SGCZ: variants seen among roughly 807,000 people sequenced by gnomAD.
The protein encoded by SGCZ is sarcoglycan zeta.
In SGCZ, 40 loss-of-function variants were observed where a neutral mutation model predicts 41.3. The observed-to-expected ratio is 0.97, with a 90% CI of 0.75 to 1.26. The LOEUF (loss-of-function observed/expected upper bound fraction) is 1.26. Ranked by LOEUF, SGCZ falls within the 50% of genes most tolerant of loss-of-function variation. SGCZ has a pLI of 0.00. For synonymous variants in SGCZ, 206 were observed against 137.5 expected, an observed-to-expected ratio of 1.50 and a Z score of -3.49; for missense variants, 552 against 369.8, an observed-to-expected ratio of 1.49 and a Z score of -4.04.
At chr8:15,203,393 A>C (rs17121136) in intron 1 of SGCZ, among the ~76,000 whole-genome samples, 1 of 152,082 alleles carries the variant, frequency 6.6e-6, no homozygotes, top group African/African-American at 2.4e-5. Flanking sequence ...TGAGTGTACA[A>C]ACCCCGTGAG....
At chr8:14,606,503 C>T (rs764870210) in intron 1 of SGCZ, among the ~76,000 whole-genome samples, 3 of 152,158 alleles carry the variant, frequency 2.0e-5, no homozygotes, top group Non-Finnish European at 2.9e-5. Context: ...CATTACTCTC[C>T]GTCTTCTGGT....
intron 1 of SGCZ, among the ~76,000 whole-genome samples, chr8:14,638,213 G>T (rs1303183676): frequency 6.6e-6 from 1 of 151,758 alleles, no homozygotes; most frequent in African/African-American, 2.4e-5. Flanking sequence ...TTTTCAGTTT[G>T]TCAGGATGTC....
chr8:14,698,370 A>C (rs1809032424), intron 1 of SGCZ, among the ~76,000 whole-genome samples: 1 of 151,936 alleles, frequency 6.6e-6, no homozygotes, highest in African/African-American at 2.4e-5. Flanking sequence ...AAGTTGCTTT[A>C]GTTTAGCTCC....
chr8:14,854,021 T>TTATA (rs10604213), intron 1 of SGCZ, among the ~76,000 whole-genome samples: 8,396 of 107,178 alleles, frequency 0.078, 358 homozygotes, highest in East Asian at 0.16. Context: ...TGTGATTATA[T>TTATA]TATATATATA....
At chr8:15,208,072 T>C (rs1801126811) in intron 1 of SGCZ, among the ~76,000 whole-genome samples, 1 of 152,222 alleles carries the variant, frequency 6.6e-6, no homozygotes, top group African/African-American at 2.4e-5. Context: ...AATATTATTT[T>C]CCTCTGTTAA....
intron 2 of SGCZ, among the ~76,000 whole-genome samples, chr8:14,421,716 T>A (rs1241941869): frequency 6.6e-6 from 1 of 152,148 alleles, no homozygotes; most frequent in African/African-American, 2.4e-5. Flanking sequence ...TTATCTGGTT[T>A]AATTCATCCC....
intron 1 of SGCZ, among the ~76,000 whole-genome samples, chr8:15,229,768 T>C (rs965774645): frequency 2.6e-5 from 4 of 152,244 alleles, no homozygotes; most frequent in African/African-American, 9.6e-5. Context: ...TGATTTATTG[T>C]ATCATGTTTC....
intron 3 of SGCZ, among the ~76,000 whole-genome samples, chr8:14,257,851 A>T (rs1276042163): frequency 6.6e-6 from 1 of 152,176 alleles, no homozygotes; most frequent in Non-Finnish European, 1.5e-5. Context: ...TTGTGTTAAG[A>T]AGAGCTTTGT....
At chr8:14,562,436 A>C (rs1294705667) in intron 1 of SGCZ, among the ~76,000 whole-genome samples, 1 of 152,194 alleles carries the variant, frequency 6.6e-6, no homozygotes, top group Non-Finnish European at 1.5e-5. Flanking sequence ...GAAGATGATA[A>C]ATACAATAAA....
intron 2 of SGCZ, among the ~76,000 whole-genome samples, chr8:14,424,306 T>C (rs1037128312): frequency 1.3e-5 from 2 of 152,178 alleles, no homozygotes; most frequent in Non-Finnish European, 2.9e-5. Context: ...ATGAAGGTCA[T>C]ACTTGTACAA....
intron 1 of SGCZ, among the ~76,000 whole-genome samples, chr8:14,843,354 G>A (rs1802991291): frequency 6.6e-6 from 1 of 151,782 alleles, no homozygotes; most frequent in Admixed American, 6.6e-5. Context: ...GATTATTTCT[G>A]GCTTAATGTC....
intron 1 of SGCZ, among the ~76,000 whole-genome samples, chr8:14,903,784 G>T (rs1799042459): frequency 6.6e-6 from 1 of 152,110 alleles, no homozygotes; most frequent in East Asian, 1.9e-4. Context: ...TATCTCAACA[G>T]TTCAGGAAAT....
intron 1 of SGCZ, among the ~76,000 whole-genome samples, chr8:14,820,123 T>G (rs941409097): frequency 1.3e-5 from 2 of 151,906 alleles, no homozygotes; most frequent in Admixed American, 1.3e-4. Flanking sequence ...TAACTATACA[T>G]AGCATGCAAG....
At chr8:15,083,186 C>G (rs565252287) in intron 1 of SGCZ, among the ~76,000 whole-genome samples, 1 of 152,300 alleles carries the variant, frequency 6.6e-6, no homozygotes, top group Admixed American at 6.5e-5. Flanking sequence ...AAGAGACCTA[C>G]AGATTATAAA....
intron 1 of SGCZ, among the ~76,000 whole-genome samples, chr8:15,008,663 GGGAGGGGAGGAGAT>G (rs1802702491): frequency 2.3e-5 from 2 of 88,718 alleles, no homozygotes; most frequent in African/African-American, 1.1e-4. Context: ...GGAAGGAGAT[GGGAGGGGAGGAGAT>G]GGGAAGAGAG....
chr8:14,835,734 C>T (rs978393496), intron 1 of SGCZ, among the ~76,000 whole-genome samples: 4 of 152,180 alleles, frequency 2.6e-5, no homozygotes, highest in Non-Finnish European at 5.9e-5. Context: ...CTCTTGGTAA[C>T]GCGGGCTGTG....
intron 1 of SGCZ, among the ~76,000 whole-genome samples, chr8:14,579,320 C>T (rs1341533802): frequency 1.3e-5 from 2 of 152,162 alleles, no homozygotes; most frequent in African/African-American, 4.8e-5. Flanking sequence ...TGAAATAGCA[C>T]ATGAATGTAA....
At chr8:15,148,652 T>C (rs1313353771) in intron 1 of SGCZ, among the ~76,000 whole-genome samples, 5 of 152,212 alleles carry the variant, frequency 3.3e-5, no homozygotes, top group Admixed American at 2.0e-4. Flanking sequence ...CTACGGCTAA[T>C]AGGTGTGAAG....
intron 2 of SGCZ, among the ~76,000 whole-genome samples, chr8:14,435,395 TGAAGCAATAGTCACATAGCATTA>T (rs1800060240): frequency 6.6e-6 from 1 of 152,178 alleles, no homozygotes; most frequent in Admixed American, 6.5e-5. Context: ...CTTGTGCAAC[TGAAGCAATAGTCACATAGCATTA>T]GTTTTAATTG....
Sources: gnomAD v4.1 joint callset for allele counts (sites outside exome capture counted in the v4.1 genomes callset) on GRCh38, gnomAD v4.1.1 for gene constraint, MANE v1.5 for transcripts, NCBI Gene and HGNC (gene_info 2026-07-23, HGNC 2026-07-21) for gene names.